The following EPB41L4B variants were observed in gnomAD, a reference collection of about 807,000 sequenced individuals.
EPB41L4B encodes band 4.1-like protein 4B.
EPB41L4B carries 30 observed loss-of-function variants against 112.5 expected under a neutral mutation model. The ratio of observed to expected loss-of-function variants is 0.27; its 90% CI spans 0.20 to 0.36. The LOEUF is 0.36. Ranked by LOEUF, EPB41L4B falls within the 10% of genes least tolerant of loss-of-function variation. The probability of loss-of-function intolerance (pLI) is 1.00; values close to 1 mark genes in which losing one functional copy is unlikely to be tolerated. For synonymous variants in EPB41L4B, 408 were observed against 439.7 expected (o/e 0.93, Z 0.90); for missense variants, 1,024 against 1,133.3 (o/e 0.90, Z 1.38).
At chr9:109,311,856 A>G (rs945649719) in intron 1 of EPB41L4B, among the ~76,000 whole-genome samples, 1 of 152,222 alleles carries the variant, frequency 6.6e-6, no homozygotes, top group Admixed American at 6.5e-5. Context: ...GCCCGAGGCC[A>G]TCTGCTCTCC....
In EPB41L4B at chr9:109,173,920, T is replaced by A. The variant is rs1040424689; in HGVS notation, c.*634A>T. The A allele has an allele frequency of 3.9e-5, 6 of 152,232 alleles. No individual in the cohort carries two copies. Among genetic ancestry groups the A allele is most frequent in the Admixed American group, 1.3e-4 (2 of 15,264 alleles). The allele number at this position is 152,232 out of a possible 1,614,324, so 9.4% of individuals were successfully genotyped here. On this transcript the variant is annotated 3_prime_UTR_variant, in exon 26 of 26. Coordinates refer to ENST00000374566, the MANE Select transcript of EPB41L4B (RefSeq NM_019114.5). The stretch of plus-strand genomic sequence containing the variant: ...GTAAGCTATCATTTCCTACTTTGGG[T>A]TCAATGATAAATTCTGTTTATTCCA...
At chr9:109,215,334 C>T (rs905495100) in intron 16 of EPB41L4B, among the ~76,000 whole-genome samples, 25 of 152,042 alleles carry the variant, frequency 1.6e-4, no homozygotes, top group African/African-American at 3.4e-4. Context: ...GGCTGGAGTG[C>T]GGTGGCACCA....
chr9:109,283,790 T>C (rs943553002), intron 1 of EPB41L4B, among the ~76,000 whole-genome samples: 32 of 152,094 alleles, frequency 2.1e-4, no homozygotes, highest in African/African-American at 7.7e-4. Context: ...TATTATAAGT[T>C]GTAAATGCAC....
intron 1 of EPB41L4B, among the ~76,000 whole-genome samples, chr9:109,314,274 G>C (rs910689967): frequency 6.6e-6 from 1 of 152,228 alleles, no homozygotes; most frequent in East Asian, 1.9e-4. Flanking sequence ...TGGTTGCCAG[G>C]CTGGATTTTT....
At chr9:109,274,375 C>T (rs369132675) in intron 2 of EPB41L4B, among the ~76,000 whole-genome samples, 16 of 152,098 alleles carry the variant, frequency 1.1e-4, no homozygotes, top group East Asian at 7.7e-4. Context: ...CTCTGTGGCC[C>T]ACATCAGTGT....
At chr9:109,313,114 C>G (rs887952700) in intron 1 of EPB41L4B, among the ~76,000 whole-genome samples, 21 of 152,118 alleles carry the variant, frequency 1.4e-4, no homozygotes, top group African/African-American at 4.6e-4. Flanking sequence ...AACTCCAGCC[C>G]ACACTTCAGT....
intron 15 of EPB41L4B, among the ~76,000 whole-genome samples, chr9:109,217,909 TA>T (rs11354861): frequency 0.25 from 36,426 of 147,752 alleles, 4,851 homozygotes; most frequent in Non-Finnish European, 0.31. Context: ...CACCTCCTTT[TA>T]AAAAAAAAAC....
At chr9:109,227,512 C>T (rs563669579) in intron 15 of EPB41L4B, among the ~76,000 whole-genome samples, 1 of 152,234 alleles carries the variant, frequency 6.6e-6, no homozygotes, top group African/African-American at 2.4e-5. Context: ...AGGTACAAAA[C>T]ATTAACTTTA....
chr9:109,232,445 C>A (rs1351323069), intron 15 of EPB41L4B, among the ~76,000 whole-genome samples: 1 of 152,040 alleles, frequency 6.6e-6, no homozygotes, highest in Admixed American at 6.6e-5. Flanking sequence ...ATGAGAGACC[C>A]CAAAGGGACA....
At chr9:109,241,322 C>G (rs1464919677) in intron 15 of EPB41L4B, 13 of 1,042,684 alleles carry the variant, frequency 1.2e-5, no homozygotes, top group Non-Finnish European at 1.5e-5. Flanking sequence ...GCAATCTTCC[C>G]AAGCTCTTCT....
intron 1 of EPB41L4B, among the ~76,000 whole-genome samples, chr9:109,288,496 G>A (rs796115814): frequency 3.3e-5 from 5 of 151,898 alleles, no homozygotes; most frequent in African/African-American, 1.2e-4. Flanking sequence ...CGAGGCGGGC[G>A]GATCACAAGG....
At chr9:109,215,023 T>C (rs969455811) in intron 16 of EPB41L4B, among the ~76,000 whole-genome samples, 2 of 152,154 alleles carry the variant, frequency 1.3e-5, no homozygotes, top group African/African-American at 4.8e-5. Flanking sequence ...GATTCTTCAA[T>C]ACCAAGTGGG....
chr9:109,255,377 T>A (rs1834938005), intron 11 of EPB41L4B, 134 bp downstream of exon 11: 2 of 1,028,750 alleles, frequency 1.9e-6, no homozygotes, highest in African/African-American at 3.2e-5. Context: ...GTTACTCACC[T>A]TAAGAAACGT....
At chr9:109,278,429 G>T (rs1018712300) in intron 2 of EPB41L4B, among the ~76,000 whole-genome samples, 1 of 152,146 alleles carries the variant, frequency 6.6e-6, no homozygotes, top group Non-Finnish European at 1.5e-5. Context: ...ATCTGTCACC[G>T]AAGGACTCAG....
At chr9:109,262,004 C>T (rs540585138) in intron 6 of EPB41L4B, among the ~76,000 whole-genome samples, 2 of 152,222 alleles carry the variant, frequency 1.3e-5, no homozygotes, top group African/African-American at 4.8e-5. Flanking sequence ...AATGAAATCC[C>T]GGATATGCAG....
chr9:109,271,624 G>A (rs1835623969), intron 2 of EPB41L4B, among the ~76,000 whole-genome samples: 1 of 152,160 alleles, frequency 6.6e-6, no homozygotes, highest in South Asian at 2.1e-4. Context: ...TCCTACGCTC[G>A]GCTTTGAGGA....
At chr9:109,262,480 C>A (rs1208506834) in intron 6 of EPB41L4B, among the ~76,000 whole-genome samples, 1 of 100,828 alleles carries the variant, frequency 9.9e-6, no homozygotes, top group African/African-American at 3.6e-5. Context: ...TGTGTGTGTG[C>A]AAACCCCTGC....
chr9:109,214,720 T>C (rs1051604483), intron 16 of EPB41L4B, among the ~76,000 whole-genome samples: 5 of 152,012 alleles, frequency 3.3e-5, no homozygotes, highest in Non-Finnish European at 5.9e-5. Context: ...AGCTAGAGTA[T>C]GGTGAGGAGT....
At chr9:109,272,853 T>A (rs1451476758) in intron 2 of EPB41L4B, among the ~76,000 whole-genome samples, 1 of 152,152 alleles carries the variant, frequency 6.6e-6, no homozygotes, top group East Asian at 1.9e-4. Context: ...AGGGGATGAA[T>A]GCCTTTGGAG....
Sources: gnomAD v4.1 joint callset for allele counts (sites outside exome capture counted in the v4.1 genomes callset) on GRCh38, gnomAD v4.1.1 for gene constraint, MANE v1.5 for transcripts, NCBI Gene and HGNC (gene_info 2026-07-23, HGNC 2026-07-21) for gene names.